The following TMCC3 variants were observed in gnomAD, a reference collection of about 807,000 sequenced individuals.
TMCC3 encodes the protein transmembrane and coiled-coil domain family 3.
Under a neutral mutation model 40.2 loss-of-function variants are expected in TMCC3, and 28 were observed. The ratio of observed to expected loss-of-function variants is 0.70; its 90% CI spans 0.52 to 0.95. The LOEUF (loss-of-function observed/expected upper bound fraction) is 0.95. Among genes scored for constraint, TMCC3 ranks in the 40% least tolerant of loss-of-function variants. The pLI, the probability that TMCC3 is intolerant of heterozygous loss-of-function variation, is 0.00. For synonymous variants in TMCC3, 255 were observed against 248.5 expected, an observed-to-expected ratio of 1.03 and a Z score of -0.25; for missense variants, 554 against 615.2, an observed-to-expected ratio of 0.90 and a Z score of 1.05.
At chr12:94,587,628 C>G (rs559395163) in intron 1 of TMCC3, among the ~76,000 whole-genome samples, 1 of 152,226 alleles carries the variant, frequency 6.6e-6, no homozygotes, top group African/African-American at 2.4e-5. Context: ...CAAGTGTGAC[C>G]TCCTGGCACA....
Position 94,581,825 on chromosome 12 carries a change from C to A in TMCC3, c.792G>T (p.Ser264=), listed in dbSNP as rs749913386. 2 of 1,614,030 alleles carry A rather than the reference C, an allele frequency of 1.2e-6. No homozygotes were observed. Among genetic ancestry groups the A allele is most frequent in the Middle Eastern group, 1.7e-4 (1 of 6,060 alleles). Reference sequence around the variant, plus strand: ...ACGACTGGTTTCCGTTACTGTCGGCCGAGCCTGACGTGCCACTCGAACATT... The same window carrying A: ...ACGACTGGTTTCCGTTACTGTCGGCAGAGCCTGACGTGCCACTCGAACATT... The part of the protein sequence containing the change: ...DDECSSGTSG[S]ADSNGNQSFG... Residue 264 remains serine, a synonymous_variant, in exon 2 of 4, where the codon TCG becomes TCT. Coordinates refer to ENST00000261226, the MANE Select transcript of TMCC3 (RefSeq NM_020698.4).
intron 1 of TMCC3, among the ~76,000 whole-genome samples, chr12:94,608,264 T>C (rs747789163): frequency 1.3e-5 from 2 of 152,228 alleles, no homozygotes; most frequent in African/African-American, 4.8e-5. Context: ...GGTAACATCA[T>C]TTATTTTCCA....
chr12:94,639,446 G>C (rs1483025952), intron 1 of TMCC3, among the ~76,000 whole-genome samples: 3 of 152,178 alleles, frequency 2.0e-5, no homozygotes, highest in Non-Finnish European at 4.4e-5. Flanking sequence ...TAGCTGGCAT[G>C]GTGGTGGGCA....
intron 1 of TMCC3, among the ~76,000 whole-genome samples, chr12:94,594,129 T>C (rs560708204): frequency 3.3e-5 from 5 of 152,072 alleles, no homozygotes; most frequent in East Asian, 1.9e-4. Context: ...AAGGGAAGTG[T>C]ACATTTATTT....
At chr12:94,574,435 A>C (rs2068552224) in intron 3 of TMCC3, among the ~76,000 whole-genome samples, 1 of 151,650 alleles carries the variant, frequency 6.6e-6, no homozygotes, top group East Asian at 1.9e-4. Flanking sequence ...AGAAACCTTC[A>C]GGCCTGCTGG....
intron 1 of TMCC3, among the ~76,000 whole-genome samples, chr12:94,599,502 C>T (rs1333163521): frequency 6.6e-6 from 1 of 151,758 alleles, no homozygotes; most frequent in African/African-American, 2.4e-5. Context: ...CCAGAAGGTC[C>T]CTTAAGAATC....
chr12:94,591,596 C>T (rs887783782), intron 1 of TMCC3, among the ~76,000 whole-genome samples: 1 of 151,880 alleles, frequency 6.6e-6, no homozygotes, highest in African/African-American at 2.4e-5. Context: ...CCAAAAAAAA[C>T]AAACCCAAAA....
At chr12:94,612,907 G>A (rs2068824842) in intron 1 of TMCC3, among the ~76,000 whole-genome samples, 1 of 152,148 alleles carries the variant, frequency 6.6e-6, no homozygotes, top group African/African-American at 2.4e-5. Flanking sequence ...AATTCCATTT[G>A]TAGGTTAGAG....
chr12:94,608,825 C>T (rs976003452), intron 1 of TMCC3, among the ~76,000 whole-genome samples: 2 of 152,178 alleles, frequency 1.3e-5, no homozygotes, highest in Non-Finnish European at 2.9e-5. Context: ...CTGTGCCTTC[C>T]ACCTCCACCA....
At chr12:94,598,813 A>C in intron 1 of TMCC3, 1 of 961,450 alleles carries the variant, frequency 1.0e-6, no homozygotes, top group Non-Finnish European at 1.2e-6. Flanking sequence ...AAGAAACGAC[A>C]AAGAAATAAA....
chr12:94,597,164 T>TATATATATATATATAA (rs1488070684), intron 1 of TMCC3, among the ~76,000 whole-genome samples: 3 of 90,462 alleles, frequency 3.3e-5, no homozygotes, highest in African/African-American at 1.3e-4. Flanking sequence ...TATATGTATA[T>TATATATATATATATAA]AAATTAGCCA....
chr12:94,644,047 T>C lies in TMCC3; in HGVS notation c.78+6306A>G, dbSNP rs191529778. Among the ~76,000 whole-genome samples, 356 of 152,324 alleles carry C rather than the reference T, an allele frequency of 2.3e-3. 1 individual carries two copies. The highest frequency in any genetic ancestry group is 6.8e-3 in the Middle Eastern group (2 of 294). ...TAAGCACTCAGTACACATTAACTAT[T>C]ATTGTGACTGCATTCTTCCTTTCAC... On this transcript the variant is annotated intron_variant, in intron 1 of 3. Transcript: ENST00000261226.
intron 1 of TMCC3, among the ~76,000 whole-genome samples, chr12:94,606,859 T>C (rs540602759): frequency 6.0e-4 from 91 of 152,338 alleles, no homozygotes; most frequent in Non-Finnish European, 4.4e-5. Flanking sequence ...TGAGGGTCTA[T>C]GTCCTGCTGT....
At chr12:94,601,446 A>G (rs2068751542) in intron 1 of TMCC3, among the ~76,000 whole-genome samples, 1 of 152,122 alleles carries the variant, frequency 6.6e-6, no homozygotes, top group African/African-American at 2.4e-5. Flanking sequence ...TGAACCTGGG[A>G]GGCGGAGATT....
intron 2 of TMCC3, among the ~76,000 whole-genome samples, chr12:94,580,246 T>C (rs1334376696): frequency 1.3e-5 from 2 of 152,206 alleles, no homozygotes; most frequent in African/African-American, 4.8e-5. Context: ...AAAATGACCT[T>C]ATATTTGGGC....
intron 1 of TMCC3, among the ~76,000 whole-genome samples, chr12:94,623,544 CAGG>C (rs2068886931): frequency 1.3e-5 from 2 of 152,232 alleles, no homozygotes; most frequent in African/African-American, 4.8e-5. Context: ...TCTTATTCTT[CAGG>C]AGCGAATTCA....
At chr12:94,616,117 C>T (rs759165813) in intron 1 of TMCC3, 45 of 984,424 alleles carry the variant, frequency 4.6e-5, no homozygotes, top group African/African-American at 1.6e-4. Context: ...AGAAACTCCA[C>T]GCCCTGCACT....
intron 1 of TMCC3, among the ~76,000 whole-genome samples, chr12:94,600,400 C>T (rs2068745944): frequency 6.6e-6 from 1 of 152,024 alleles, no homozygotes; most frequent in Admixed American, 6.6e-5. Context: ...GTGTTCTATT[C>T]CTTCCATCTA....
At chr12:94,620,752 C>T (rs1221251213) in intron 1 of TMCC3, among the ~76,000 whole-genome samples, 1 of 152,066 alleles carries the variant, frequency 6.6e-6, no homozygotes, top group Non-Finnish European at 1.5e-5. Context: ...ACTGTATAGA[C>T]CAGATATACA....
Sources: gnomAD v4.1 joint callset for allele counts (sites outside exome capture counted in the v4.1 genomes callset) on GRCh38, gnomAD v4.1.1 for gene constraint, MANE v1.5 for transcripts, NCBI Gene and HGNC (gene_info 2026-07-23, HGNC 2026-07-21) for gene names.